Variants in ATXN1 observed in about 807,000 individuals in gnomAD.
The protein encoded by ATXN1 is ataxin 1, also known as ataxin-1.
ATXN1 carries 8 observed loss-of-function variants against 56.4 expected under a neutral mutation model. That is an observed-to-expected ratio of 0.14 (90% CI 0.08 to 0.26). ATXN1 has a LOEUF of 0.26. Ranked by LOEUF, ATXN1 falls within the 10% of genes least tolerant of loss-of-function variation. The probability of loss-of-function intolerance (pLI) is 1.00; values close to 1 mark genes in which losing one functional copy is unlikely to be tolerated. For synonymous variants in ATXN1, 514 were observed against 494.6 expected (o/e 1.04, Z -0.52); for missense variants, 987 against 1,106.5 (o/e 0.89, Z 1.53).
intron 5 of ATXN1, among the ~76,000 whole-genome samples, chr6:16,521,809 G>C (rs1460404467): frequency 6.6e-6 from 1 of 152,220 alleles, no homozygotes; most frequent in Non-Finnish European, 1.5e-5. Context: ...CAGTGGTTTG[G>C]AAAGGGCGCA....
At chr6:16,325,818 T>C (rs1760790100) in intron 7 of ATXN1, among the ~76,000 whole-genome samples, 1 of 152,244 alleles carries the variant, frequency 6.6e-6, no homozygotes, top group African/African-American at 2.4e-5. Flanking sequence ...AGTGCAGTGA[T>C]AGTCACAGGT....
At chr6:16,310,681 G>C (rs527699208) in intron 7 of ATXN1, among the ~76,000 whole-genome samples, 2 of 152,172 alleles carry the variant, frequency 1.3e-5, no homozygotes, top group African/African-American at 4.8e-5. Flanking sequence ...TAGAGTGGGG[G>C]CTTCACCATG....
intron 2 of ATXN1, chr6:16,739,657 G>T: frequency 2.7e-6 from 1 of 374,052 alleles, no homozygotes; most frequent in South Asian, 1.9e-5. Flanking sequence ...TAATGACTAA[G>T]CCTGCGCCAG....
chr6:16,667,241 C>G (rs1758447418), intron 2 of ATXN1: 1 of 152,186 alleles, frequency 6.6e-6, no homozygotes, highest in African/African-American at 2.4e-5. Context: ...AGCAAAGATT[C>G]TCTATCTCCT....
intron 7 of ATXN1, among the ~76,000 whole-genome samples, chr6:16,314,741 G>A (rs1296484999): frequency 2.0e-5 from 3 of 151,724 alleles, no homozygotes; most frequent in Non-Finnish European, 4.4e-5. Context: ...TCAGCCTCCC[G>A]AGTAGCTGGG....
chr6:16,335,433 T>G, intron 6 of ATXN1, among the ~76,000 whole-genome samples: 1 of 152,156 alleles, frequency 6.6e-6, no homozygotes, highest in South Asian at 2.1e-4. Flanking sequence ...TCTGCACCCC[T>G]GGGACATGGG....
intron 4 of ATXN1, among the ~76,000 whole-genome samples, chr6:16,566,391 T>A (rs1762217423): frequency 6.6e-6 from 1 of 152,062 alleles, no homozygotes; most frequent in South Asian, 2.1e-4. Flanking sequence ...ATTTTACAAC[T>A]CTGGATTCCC....
At chr6:16,699,850 T>C (rs1759245207) in intron 2 of ATXN1, among the ~76,000 whole-genome samples, 1 of 152,158 alleles carries the variant, frequency 6.6e-6, no homozygotes, top group African/African-American at 2.4e-5. Flanking sequence ...TTTGACCAAA[T>C]AGATTTTGCT....
intron 2 of ATXN1, among the ~76,000 whole-genome samples, chr6:16,725,959 C>T: frequency 6.6e-6 from 1 of 152,144 alleles, no homozygotes; most frequent in East Asian, 1.9e-4. Context: ...CCGCTTTGCC[C>T]CTAGCCCTCT....
At chr6:16,737,573 CAGG>C (rs1366834268) in intron 2 of ATXN1, 3 of 152,172 alleles carry the variant, frequency 2.0e-5, no homozygotes, top group South Asian at 2.1e-4. Context: ...ATCTCATTAG[CAGG>C]AGAAGTTTCA....
chr6:16,307,741 C>A (rs1760285167), intron 7 of ATXN1, among the ~76,000 whole-genome samples: 1 of 151,210 alleles, frequency 6.6e-6, no homozygotes, highest in Admixed American at 6.6e-5. Context: ...GTAATTTGGA[C>A]CAACCCTCCT....
chr6:16,723,916 G>GT (rs1561823121), intron 2 of ATXN1, among the ~76,000 whole-genome samples: 1 of 152,044 alleles, frequency 6.6e-6, no homozygotes. Context: ...ACTCGACTGT[G>GT]TTTTTTTAAC....
chr6:16,603,423 T>C (rs182397568), intron 3 of ATXN1, among the ~76,000 whole-genome samples: 16 of 152,172 alleles, frequency 1.1e-4, no homozygotes, highest in Non-Finnish European at 2.1e-4. Context: ...GTAATAAAGT[T>C]CTCATGGGGA....
chr6:16,730,483 G>GTATATATATATATATA (rs1283942311), intron 2 of ATXN1, among the ~76,000 whole-genome samples: 181 of 74,474 alleles, frequency 2.4e-3, no homozygotes, highest in Middle Eastern at 7.2e-3. Flanking sequence ...GGGTAAAACA[G>GTATATATATATATATA]TATGTATATA....
chr6:16,566,947 G>GTATCT (rs1378811202), intron 4 of ATXN1, among the ~76,000 whole-genome samples: 1 of 152,166 alleles, frequency 6.6e-6, no homozygotes, highest in African/African-American at 2.4e-5. Flanking sequence ...TCCTGGCATC[G>GTATCT]TAAGTTGTCT....
intron 6 of ATXN1, among the ~76,000 whole-genome samples, chr6:16,416,748 A>G (rs143639560): frequency 6.6e-6 from 1 of 152,302 alleles, no homozygotes; most frequent in Non-Finnish European, 1.5e-5. Context: ...CGCTTAGTTC[A>G]TGGTTCCTAT....
At chr6:16,346,974 G>A (rs1761415578) in intron 6 of ATXN1, among the ~76,000 whole-genome samples, 1 of 152,162 alleles carries the variant, frequency 6.6e-6, no homozygotes, top group Non-Finnish European at 1.5e-5. Flanking sequence ...CCCGCACTCG[G>A]AGCAGCGGCG....
intron 5 of ATXN1, among the ~76,000 whole-genome samples, chr6:16,491,291 T>A (rs1172280818): frequency 2.8e-5 from 4 of 140,906 alleles, no homozygotes; most frequent in Non-Finnish European, 6.2e-5. Context: ...TTTTTTTTTT[T>A]TTTTTTTTTT....
intron 6 of ATXN1, among the ~76,000 whole-genome samples, chr6:16,426,942 A>C (rs912971530): frequency 6.6e-6 from 1 of 151,478 alleles, no homozygotes; most frequent in Non-Finnish European, 1.5e-5. Flanking sequence ...ATCTGCCAGC[A>C]GAGGCCAAGC....
Sources: gnomAD v4.1 joint callset for allele counts (sites outside exome capture counted in the v4.1 genomes callset) on GRCh38, gnomAD v4.1.1 for gene constraint, MANE v1.5 for transcripts, NCBI Gene and HGNC (gene_info 2026-07-23, HGNC 2026-07-21) for gene names.